The following VAV3 variants were observed in gnomAD, a reference collection of about 807,000 sequenced individuals.
VAV3 encodes the protein vav guanine nucleotide exchange factor 3.
In VAV3, 94 loss-of-function variants were observed where a neutral mutation model predicts 131.2. The observed-to-expected ratio is 0.72, with a 90% CI of 0.61 to 0.85. The LOEUF is 0.85. Ranked by LOEUF, VAV3 falls within the 40% of genes least tolerant of loss-of-function variation. The pLI is 0.00. For missense variants in VAV3, 939 were observed against 1,002.7 expected, an observed-to-expected ratio of 0.94 and a Z score of 0.86; for synonymous variants, 349 against 342.0, an observed-to-expected ratio of 1.02 and a Z score of -0.22.
chr1:107,620,493 T>A (rs566266507), intron 20 of VAV3, among the ~76,000 whole-genome samples: 2 of 152,192 alleles, frequency 1.3e-5, no homozygotes, highest in African/African-American at 4.8e-5. Context: ...CCTAGGTGTG[T>A]AGTAGGCTAC....
intron 19 of VAV3, among the ~76,000 whole-genome samples, chr1:107,667,826 A>C (rs1657518967): frequency 6.6e-6 from 1 of 152,166 alleles, no homozygotes; most frequent in South Asian, 2.1e-4. Context: ...TTAAAATCAA[A>C]GGCACACTAA....
At chr1:107,607,112 G>A (rs71655923) in intron 22 of VAV3, among the ~76,000 whole-genome samples, 11 of 151,512 alleles carry the variant, frequency 7.3e-5, no homozygotes, top group African/African-American at 2.4e-4. Context: ...CCACAACCAC[G>A]CCCAGCTAAT....
At chr1:107,606,803 C>CTTTTTTTT (rs34849497) in intron 22 of VAV3, among the ~76,000 whole-genome samples, 10 of 58,002 alleles carry the variant, frequency 1.7e-4, no homozygotes, top group Non-Finnish European at 2.5e-4. Context: ...ATGGTTTCTT[C>CTTTTTTTT]TTTTTTTTTT....
intron 17 of VAV3, among the ~76,000 whole-genome samples, chr1:107,700,827 TG>T (rs1660075760): frequency 6.6e-6 from 1 of 152,216 alleles, no homozygotes; most frequent in Admixed American, 6.5e-5. Flanking sequence ...GTAATGGGAT[TG>T]CTGAGTCAGT....
chr1:107,865,220 G>A (rs1669927810), intron 2 of VAV3, among the ~76,000 whole-genome samples: 1 of 152,202 alleles, frequency 6.6e-6, no homozygotes, highest in South Asian at 2.1e-4. Flanking sequence ...CCAATGTAAT[G>A]TGTCAAGGTC....
At chr1:107,618,534 G>GT (rs1472547229) in intron 20 of VAV3, among the ~76,000 whole-genome samples, 1 of 152,172 alleles carries the variant, frequency 6.6e-6, no homozygotes, top group African/African-American at 2.4e-5. Context: ...AGTAATTGTG[G>GT]TTTTTATCAT....
intron 1 of VAV3, among the ~76,000 whole-genome samples, chr1:107,945,692 G>A (rs540375936): frequency 6.6e-5 from 10 of 151,864 alleles, no homozygotes; most frequent in African/African-American, 2.2e-4. Context: ...CGTGGTGGCG[G>A]GCACCTGTAA....
At position 107,777,309 on chromosome 1, in the gene VAV3, G is replaced by A. The variant is rs754516957; in HGVS notation, c.381-13C>T. On this transcript the variant is annotated splice_polypyrimidine_tract_variant and intron_variant, in intron 3 of 26. Coordinates refer to ENST00000370056, the MANE Select transcript of VAV3 (RefSeq NM_006113.5). ...TGTTGGGAAGGGCCTAGGAAGAGGA[G>A]AAAAAACAAAAACAAAAAAACAAAC... The A allele has an allele frequency of 5.0e-6, 8 of 1,612,192 alleles. No individual in the cohort carries two copies. The highest frequency in any genetic ancestry group is 1.7e-5 in the Admixed American group (1 of 59,646).
chr1:107,673,204 G>A (rs141115461), intron 19 of VAV3, among the ~76,000 whole-genome samples: 12 of 152,212 alleles, frequency 7.9e-5, no homozygotes, highest in Admixed American at 1.3e-4. Context: ...ATTCAAGTGC[G>A]GCTAGGGTGA....
chr1:107,790,611 A>G (rs1203917589), intron 2 of VAV3, among the ~76,000 whole-genome samples: 2 of 151,854 alleles, frequency 1.3e-5, no homozygotes, highest in African/African-American at 2.4e-5. Context: ...GCCTTCTGCT[A>G]CAGCATTTTC....
chr1:107,784,442 C>T (rs1318020145), intron 2 of VAV3, among the ~76,000 whole-genome samples: 4 of 152,102 alleles, frequency 2.6e-5, no homozygotes, highest in Non-Finnish European at 4.4e-5. Context: ...TTATTTTTCT[C>T]GCCAAAGATC....
intron 13 of VAV3, 29 bp downstream of exon 13, chr1:107,751,088 T>C: frequency 6.3e-7 from 1 of 1,592,830 alleles, no homozygotes; most frequent in Non-Finnish European, 8.6e-7. Flanking sequence ...TAATTACTTA[T>C]TTTGAAAATA....
intron 24 of VAV3, among the ~76,000 whole-genome samples, chr1:107,596,806 A>G (rs1651429136): frequency 6.6e-6 from 1 of 152,228 alleles, no homozygotes; most frequent in Admixed American, 6.5e-5. Context: ...TTCGTGGTAA[A>G]CAAAAGTTGA....
chr1:107,857,242 C>G (rs1042212073), intron 2 of VAV3, among the ~76,000 whole-genome samples: 7 of 152,120 alleles, frequency 4.6e-5, no homozygotes, highest in Non-Finnish European at 8.8e-5. Context: ...GCTACACTGG[C>G]TTAGCCTCTT....
chr1:107,654,707 T>C (rs1470134081), intron 19 of VAV3, among the ~76,000 whole-genome samples: 4 of 152,038 alleles, frequency 2.6e-5, no homozygotes, highest in Admixed American at 1.3e-4. Context: ...CAACTTTAAA[T>C]ACCAAAATTA....
intron 19 of VAV3, among the ~76,000 whole-genome samples, chr1:107,658,912 T>C (rs1656789387): frequency 6.6e-6 from 1 of 152,174 alleles, no homozygotes; most frequent in Admixed American, 6.5e-5. Flanking sequence ...CTGTTCACTC[T>C]GATGGTGGTT....
intron 1 of VAV3, among the ~76,000 whole-genome samples, chr1:107,955,769 C>T (rs1173362118): frequency 6.6e-6 from 1 of 152,108 alleles, no homozygotes; most frequent in Non-Finnish European, 1.5e-5. Context: ...TGGAGAAGAG[C>T]TTTGAGAGAT....
In VAV3 at chr1:107,881,358, T is replaced by C. The variant is rs144062114; in HGVS notation, c.205-6341A>G. Among the ~76,000 whole-genome samples the C allele has an allele frequency of 4.1e-3, 627 of 152,308 alleles. 5 individuals carry two copies. Among genetic ancestry groups the C allele is most frequent in the African/African-American group, 0.014 (589 of 41,574 alleles). Reference sequence around the variant, plus strand: ...AAAGAGAAGACCTCAGAATTATAACTGTACCTCTCTCTGCCTTGGGCACTG... The same window carrying C: ...AAAGAGAAGACCTCAGAATTATAACCGTACCTCTCTCTGCCTTGGGCACTG... On this transcript the variant is annotated intron_variant, in intron 1 of 26. Coordinates refer to ENST00000370056, the MANE Select transcript of VAV3 (RefSeq NM_006113.5).
intron 15 of VAV3, among the ~76,000 whole-genome samples, chr1:107,720,335 A>T (rs1661409328): frequency 6.6e-6 from 1 of 151,228 alleles, no homozygotes; most frequent in East Asian, 1.9e-4. Flanking sequence ...GTGAGCTGTG[A>T]TCATGCCACT....
Sources: gnomAD v4.1 joint callset for allele counts (sites outside exome capture counted in the v4.1 genomes callset) on GRCh38, gnomAD v4.1.1 for gene constraint, MANE v1.5 for transcripts, NCBI Gene and HGNC (gene_info 2026-07-23, HGNC 2026-07-21) for gene names.